Variants in TTC29 observed in about 807,000 individuals in gnomAD.
TTC29 encodes the protein tetratricopeptide repeat protein 29.
A neutral mutation model predicts 58.1 loss-of-function variants in TTC29; 49 were observed. The ratio of observed to expected loss-of-function variants is 0.84; its 90% CI spans 0.67 to 1.07. The LOEUF (loss-of-function observed/expected upper bound fraction) is 1.07, where lower values mean the gene tolerates loss of function less well. Ranked by LOEUF, TTC29 falls within the 50% of genes least tolerant of loss-of-function variation. The pLI is 0.00. For missense variants in TTC29, 582 were observed against 555.6 expected, an observed-to-expected ratio of 1.05 and a Z score of -0.48; for synonymous variants, 209 against 196.8, an observed-to-expected ratio of 1.06 and a Z score of -0.52.
At chr4:146,823,550 G>C (rs527497022) in intron 9 of TTC29, among the ~76,000 whole-genome samples, 224 of 152,284 alleles carry the variant, frequency 1.5e-3, no homozygotes, top group South Asian at 7.5e-3. Flanking sequence ...CTCCAGCTTT[G>C]TTCTTTTTGC....
At chr4:146,899,107 C>A (rs536645455) in intron 6 of TTC29, among the ~76,000 whole-genome samples, 6 of 152,318 alleles carry the variant, frequency 3.9e-5, no homozygotes, top group African/African-American at 1.4e-4. Context: ...GCTGCAACTG[C>A]AAGGCTTGGA....
rs1031346818 is a variant in TTC29, at chr4:146,707,531, C to T, written c.1351G>A (p.Val451Met). The T allele has an allele frequency of 9.3e-6, 15 of 1,607,522 alleles. No individual in the cohort carries two copies. The highest frequency in any genetic ancestry group is 1.3e-5 in the Non-Finnish European group (15 of 1,177,332). Reference sequence around the variant, plus strand: ...TCTGAGTTTTGAGATACAGCTTCCACTGTGGATCCTCTAAACTCTTCTAAA... The same window carrying T: ...TCTGAGTTTTGAGATACAGCTTCCATTGTGGATCCTCTAAACTCTTCTAAA... ...PVTEEFRGST[V>M]EAVSQNSERL... The change falls in exon 12 of 13, where the codon GTG becomes ATG. Residue 451 changes from valine (V) to methionine (M), a missense_variant. Transcript: ENST00000325106.
chr4:146,938,956 C>G (rs1345167977), intron 3 of TTC29, among the ~76,000 whole-genome samples: 2 of 152,116 alleles, frequency 1.3e-5, no homozygotes, highest in Non-Finnish European at 2.9e-5. Flanking sequence ...CAAAATGTAT[C>G]AATTTCTCTG....
intron 11 of TTC29, among the ~76,000 whole-genome samples, chr4:146,790,884 T>TGG (rs1749400087): frequency 6.6e-6 from 1 of 152,254 alleles, no homozygotes; most frequent in African/African-American, 2.4e-5. Context: ...ATGTATGTAC[T>TGG]GGTAAACAAA....
intron 11 of TTC29, among the ~76,000 whole-genome samples, chr4:146,774,636 T>C (rs1747958463): frequency 2.0e-5 from 3 of 152,094 alleles, no homozygotes; most frequent in Admixed American, 2.0e-4. Context: ...TTTTATGGCC[T>C]GTTGTGCGGT....
At chr4:146,940,743 T>G (rs1736308928) in intron 2 of TTC29, among the ~76,000 whole-genome samples, 1 of 152,194 alleles carries the variant, frequency 6.6e-6, no homozygotes, top group Non-Finnish European at 1.5e-5. Flanking sequence ...CTCCCTCACA[T>G]CATGGCAACC....
At chr4:146,764,271 AC>A (rs1747127045) in intron 11 of TTC29, 2 of 152,048 alleles carry the variant, frequency 1.3e-5, no homozygotes, top group South Asian at 4.1e-4. Context: ...CTTATTAAAA[AC>A]AGCATATTCC....
At chr4:146,822,135 A>G (rs941160029) in intron 9 of TTC29, among the ~76,000 whole-genome samples, 6 of 149,846 alleles carry the variant, frequency 4.0e-5, no homozygotes, top group African/African-American at 7.4e-5. Context: ...AAAAAAAAAA[A>G]GGGATACATG....
At chr4:146,833,926 ATATAG>A in intron 8 of TTC29, 29 bp from the exon 9 acceptor site, 3 of 1,470,264 alleles carry the variant, frequency 2.0e-6, no homozygotes, top group Non-Finnish European at 2.8e-6. Flanking sequence ...CATATTGAAC[ATATAG>A]CACAGCCAGA....
intron 6 of TTC29, among the ~76,000 whole-genome samples, chr4:146,893,721 G>A (rs1429432972): frequency 6.6e-6 from 1 of 152,134 alleles, no homozygotes; most frequent in East Asian, 1.9e-4. Flanking sequence ...CACAGCAAAA[G>A]ATACTACCAT....
chr4:146,728,828 T>TATATACAC (rs1744064029), intron 11 of TTC29, among the ~76,000 whole-genome samples: 2 of 115,990 alleles, frequency 1.7e-5, no homozygotes, highest in African/African-American at 3.1e-5. Flanking sequence ...TATATATACA[T>TATATACAC]ATATATACAC....
rs996604844 is a variant in TTC29, at chr4:146,761,238, A to T, written c.1330+42219T>A. Among the ~76,000 whole-genome samples, 15 of 151,922 alleles carry T rather than the reference A, an allele frequency of 9.9e-5. 1 individual carries two copies. Among genetic ancestry groups the T allele is most frequent in the Non-Finnish European group, 1.9e-4 (13 of 67,888 alleles). On this transcript the variant is annotated intron_variant, in intron 11 of 12. Coordinates refer to ENST00000325106, the MANE Select transcript of TTC29 (RefSeq NM_031956.4). The stretch of plus-strand genomic sequence containing the variant: ...CCCCAATAATAACTAATGGAAAAAA[A>T]TACAAACTAACCATCTTCTACATCA...
At chr4:146,851,454 AGG>A (rs1294380737) in intron 8 of TTC29, among the ~76,000 whole-genome samples, 1 of 152,194 alleles carries the variant, frequency 6.6e-6, no homozygotes, top group East Asian at 1.9e-4. Context: ...ATTGATGAAA[AGG>A]ACCCCATACC....
chr4:146,901,327 GACT>G (rs1302971732), intron 6 of TTC29, among the ~76,000 whole-genome samples: 1 of 152,052 alleles, frequency 6.6e-6, no homozygotes, highest in Non-Finnish European at 1.5e-5. Flanking sequence ...ACTCAGAAAT[GACT>G]ACTATTAACG....
intron 11 of TTC29, among the ~76,000 whole-genome samples, chr4:146,753,920 G>C (rs1356493398): frequency 2.6e-5 from 4 of 151,946 alleles, no homozygotes; most frequent in African/African-American, 4.8e-5. Context: ...GGGGGAAGGG[G>C]GGAGGGATAG....
intron 8 of TTC29, among the ~76,000 whole-genome samples, chr4:146,840,408 T>C (rs1316678981): frequency 2.0e-5 from 3 of 152,084 alleles, no homozygotes; most frequent in African/African-American, 7.2e-5. Context: ...TTCCAGTATA[T>C]TCCATTAGAT....
intron 11 of TTC29, among the ~76,000 whole-genome samples, chr4:146,783,675 A>G (rs75231019): frequency 2.7e-3 from 417 of 152,266 alleles, no homozygotes; most frequent in African/African-American, 9.6e-3. Context: ...CAACTGAGAA[A>G]GGAGCTAAGT....
chr4:146,905,361 C>T (rs562034101), intron 5 of TTC29, among the ~76,000 whole-genome samples: 5 of 148,904 alleles, frequency 3.4e-5, no homozygotes, highest in South Asian at 4.2e-4. Flanking sequence ...TATGTAGTCC[C>T]GAAACAATTT....
At chr4:146,756,270 C>CAA (rs146497942) in intron 11 of TTC29, among the ~76,000 whole-genome samples, 21 of 107,560 alleles carry the variant, frequency 2.0e-4, no homozygotes, top group African/African-American at 3.0e-4. Flanking sequence ...GACTCTGTCT[C>CAA]AAAAAAAAAA....
Sources: allele counts gnomAD v4.1 joint callset (sites outside exome capture counted in the v4.1 genomes callset), GRCh38; gene constraint gnomAD v4.1.1; transcripts MANE v1.5; gene names NCBI Gene and HGNC (gene_info 2026-07-23, HGNC 2026-07-21).